HS3ST4: variants seen among roughly 807,000 people sequenced by gnomAD.
HS3ST4 encodes the protein heparan sulfate-glucosamine 3-sulfotransferase 4, also known as heparan sulfate glucosamine 3-O-sulfotransferase 4.
Under a neutral mutation model 29.2 loss-of-function variants are expected in HS3ST4, and 17 were observed. The observed-to-expected ratio is 0.58, with a 90% confidence interval of 0.40 to 0.87. The LOEUF (loss-of-function observed/expected upper bound fraction) is 0.87. Among genes scored for constraint, HS3ST4 ranks in the 40% least tolerant of loss-of-function variants. HS3ST4 has a pLI of 0.00. For synonymous variants in HS3ST4, 314 were observed against 285.7 expected (o/e 1.10, Z -1.00); for missense variants, 627 against 634.5 (o/e 0.99, Z 0.13).
intron 1 of HS3ST4, among the ~76,000 whole-genome samples, chr16:25,715,993 G>C (rs573659328): frequency 6.6e-6 from 1 of 152,098 alleles, no homozygotes; most frequent in South Asian, 2.1e-4. Context: ...GAGGTCAGGG[G>C]GATCCTGAGC....
At chr16:25,762,786 A>C (rs1465925659) in intron 1 of HS3ST4, among the ~76,000 whole-genome samples, 1 of 138,422 alleles carries the variant, frequency 7.2e-6, no homozygotes, top group African/African-American at 2.6e-5. Context: ...CTGAGATGGG[A>C]GGATCCTTTG....
intron 1 of HS3ST4, among the ~76,000 whole-genome samples, chr16:25,816,655 A>G (rs940951689): frequency 6.6e-6 from 1 of 152,156 alleles, no homozygotes; most frequent in Non-Finnish European, 1.5e-5. Context: ...TGTTGCTTGT[A>G]ACAAAGTACC....
chr16:26,106,396 G>A (rs1417720628), intron 1 of HS3ST4, among the ~76,000 whole-genome samples: 1 of 152,046 alleles, frequency 6.6e-6, no homozygotes, highest in African/African-American at 2.4e-5. Context: ...AACCTATCTG[G>A]CTACTTTATT....
intron 1 of HS3ST4, among the ~76,000 whole-genome samples, chr16:26,053,310 AG>A (rs1445995866): frequency 6.6e-6 from 1 of 152,268 alleles, no homozygotes; most frequent in East Asian, 1.9e-4. Context: ...TGCTTATCAC[AG>A]CACTTGGAAA....
At chr16:25,775,391 A>G (rs1248125021) in intron 1 of HS3ST4, among the ~76,000 whole-genome samples, 1 of 152,230 alleles carries the variant, frequency 6.6e-6, no homozygotes, top group African/African-American at 2.4e-5. Flanking sequence ...AAAAGACATC[A>G]GGGCTTGTTA....
intron 1 of HS3ST4, among the ~76,000 whole-genome samples, chr16:25,840,383 A>G (rs1370091189): frequency 2.6e-5 from 4 of 152,348 alleles, no homozygotes; most frequent in African/African-American, 9.6e-5. Flanking sequence ...TGGCATATGG[A>G]TTCTGTGAAG....
At position 26,137,682 on chromosome 16, in the gene HS3ST4, C is replaced by G. The variant is rs1166972441; in HGVS notation, c.*1434C>G. On this transcript the variant is annotated 3_prime_UTR_variant, in exon 2 of 2. Transcript: ENST00000331351. Reference sequence around the variant, plus strand: ...GTGTTGTTATAAAGCTTAATGCAACCTGATTAATGAGTTTCGATGGTGTGT... The same window carrying G: ...GTGTTGTTATAAAGCTTAATGCAACGTGATTAATGAGTTTCGATGGTGTGT... 1 of 149,428 alleles carries G rather than the reference C, an allele frequency of 6.7e-6. No homozygotes were observed. The highest frequency in any genetic ancestry group is 1.5e-5 in the Non-Finnish European group (1 of 67,976). The allele number at this position is 149,428 out of a possible 1,614,324, so 9.3% of individuals were successfully genotyped here.
At chr16:25,694,993 C>T (rs963554098) in intron 1 of HS3ST4, among the ~76,000 whole-genome samples, 2 of 151,952 alleles carry the variant, frequency 1.3e-5, no homozygotes, top group Non-Finnish European at 1.5e-5. Context: ...GAGAGTTTTC[C>T]GAATGAAAGA....
chr16:26,020,240 A>G (rs1307195404), intron 1 of HS3ST4, among the ~76,000 whole-genome samples: 1 of 152,164 alleles, frequency 6.6e-6, no homozygotes, highest in African/African-American at 2.4e-5. Context: ...GGATAATTTT[A>G]TATTGCTTGA....
chr16:25,767,755 C>G (rs1026234369), intron 1 of HS3ST4, among the ~76,000 whole-genome samples: 1 of 152,108 alleles, frequency 6.6e-6, no homozygotes, highest in South Asian at 2.1e-4. Context: ...GGCAAACGCT[C>G]AAGAGATATT....
intron 1 of HS3ST4, among the ~76,000 whole-genome samples, chr16:25,760,611 G>A (rs1407374782): frequency 6.6e-6 from 1 of 151,960 alleles, no homozygotes; most frequent in Non-Finnish European, 1.5e-5. Context: ...TAGAGATGGG[G>A]TTTCATCATG....
intron 1 of HS3ST4, among the ~76,000 whole-genome samples, chr16:25,773,272 C>G (rs1427303083): frequency 6.6e-6 from 1 of 152,154 alleles, no homozygotes; most frequent in Non-Finnish European, 1.5e-5. Flanking sequence ...GCTCCAGCAC[C>G]TCCATATTTT....
At position 26,135,659 on chromosome 16, in the gene HS3ST4, C is replaced by G; in HGVS notation, c.782C>G (p.Thr261Ser). ...GATGGGCAAATAACCATGGAGAAGACTCCAAGTTACTTTGTGACAAATGAG... is the reference window on the plus strand; with the variant it reads ...GATGGGCAAATAACCATGGAGAAGAGTCCAAGTTACTTTGTGACAAATGAG... ...TLDGQITMEKTPSYFVTNEAP... is the reference protein window; with the variant it reads ...TLDGQITMEKSPSYFVTNEAP... The change falls in exon 2 of 2, where the codon ACT (threonine) becomes AGT (serine). Residue 261 changes from threonine to serine, a missense_variant. By Grantham distance (58) the Thr-to-Ser change is moderately conservative. Coordinates refer to ENST00000331351, the MANE Select transcript of HS3ST4 (RefSeq NM_006040.3). 6.2e-7 allele frequency: 1 copy of G among 1,612,986 alleles called. No individual in the cohort carries two copies. Among genetic ancestry groups the G allele is most frequent in the Non-Finnish European group, 8.5e-7 (1 of 1,179,490 alleles).
At chr16:26,096,159 A>G (rs1898923432) in intron 1 of HS3ST4, among the ~76,000 whole-genome samples, 1 of 152,240 alleles carries the variant, frequency 6.6e-6, no homozygotes, top group Non-Finnish European at 1.5e-5. Flanking sequence ...GAATACTACC[A>G]GAGGTACAAA....
At chr16:26,098,457 C>T (rs1309365587) in intron 1 of HS3ST4, among the ~76,000 whole-genome samples, 2 of 152,086 alleles carry the variant, frequency 1.3e-5, no homozygotes, top group African/African-American at 4.8e-5. Context: ...AGCTGGAAAC[C>T]ATCATTCTCA....
At chr16:26,101,302 T>G (rs890929367) in intron 1 of HS3ST4, among the ~76,000 whole-genome samples, 3 of 152,246 alleles carry the variant, frequency 2.0e-5, no homozygotes, top group Non-Finnish European at 4.4e-5. Context: ...TCCTGCAGAA[T>G]GCAGCCGGGA....
intron 1 of HS3ST4, among the ~76,000 whole-genome samples, chr16:26,083,631 A>G (rs1393544743): frequency 1.3e-5 from 2 of 152,236 alleles, no homozygotes; most frequent in Non-Finnish European, 2.9e-5. Context: ...CTTTATTTAT[A>G]AAAGCAGATG....
chr16:25,970,174 G>A (rs1287406255), intron 1 of HS3ST4, among the ~76,000 whole-genome samples: 1 of 152,226 alleles, frequency 6.6e-6, no homozygotes, highest in Non-Finnish European at 1.5e-5. Flanking sequence ...ACGGCCTTTG[G>A]AGTCTAAAGC....
In HS3ST4 at chr16:25,877,189, C is replaced by T. The variant is rs192545747; in HGVS notation, c.734+184038C>T. On this transcript the variant is annotated intron_variant, in intron 1 of 1. Transcript: ENST00000331351. ...TGGCTCCTCCTACTCAGTGATTGTA[C>T]TGGGTTGAAATGTGTCCCCCAGCCT... Among the ~76,000 whole-genome samples, 13 of 152,194 alleles carry T rather than the reference C, an allele frequency of 8.5e-5. No homozygotes were observed. In the East Asian group the frequency reaches 2.5e-3, roughly 29 times the overall value.
Sources: allele counts gnomAD v4.1 joint callset (sites outside exome capture counted in the v4.1 genomes callset), GRCh38; gene constraint gnomAD v4.1.1; transcripts MANE v1.5; gene names NCBI Gene and HGNC (gene_info 2026-07-23, HGNC 2026-07-21).